ATRNL1: variants seen among roughly 807,000 people sequenced by gnomAD.
The protein encoded by ATRNL1 is attractin-like protein 1.
A neutral mutation model predicts 182.7 loss-of-function variants in ATRNL1; 95 were observed. The observed-to-expected ratio is 0.52, with a 90% CI of 0.44 to 0.62. The LOEUF is 0.62. Among genes scored for constraint, ATRNL1 ranks in the 20% least tolerant of loss-of-function variants. The pLI, the probability that ATRNL1 is intolerant of heterozygous loss-of-function variation, is 0.00. For missense variants in ATRNL1, 1,471 were observed against 1,679.5 expected (o/e 0.88, Z 2.17); for synonymous variants, 576 against 568.3 (o/e 1.01, Z -0.19).
At chr10:115,575,949 TA>T (rs1288687317) in intron 26 of ATRNL1, among the ~76,000 whole-genome samples, 1 of 152,120 alleles carries the variant, frequency 6.6e-6, no homozygotes, top group Non-Finnish European at 1.5e-5. Context: ...TATTTGTATG[TA>T]TTTGAACTTG....
chr10:115,735,140 C>T (rs1555065035), intron 27 of ATRNL1, among the ~76,000 whole-genome samples: 4 of 152,112 alleles, frequency 2.6e-5, no homozygotes, highest in African/African-American at 2.4e-5. Context: ...AGTTGTTCTT[C>T]GCCTTCAGAG....
chr10:115,389,577 T>TATAC lies in ATRNL1; in HGVS notation c.3176-5079_3176-5078insCATA. ...ATATATATATATATATATATATATA[T>TATAC]ATATATATATATATTTCATCCAATG... On this transcript the variant is annotated intron_variant, in intron 19 of 28. Transcript: ENST00000355044. Among the ~76,000 whole-genome samples, 3 of 120,678 alleles carry TATAC rather than the reference T, an allele frequency of 2.5e-5. No individual in the cohort carries two copies. The South Asian group carries it at 8.1e-4, about 33-fold the overall frequency. 79.2% of individuals were successfully genotyped at this position (120,678 alleles called of 152,430 possible). A position where few individuals can be genotyped will look rare whatever the true frequency, so the allele number is the denominator to read the frequency against.
intron 24 of ATRNL1, among the ~76,000 whole-genome samples, chr10:115,496,359 G>T (rs1554978269): frequency 6.6e-6 from 1 of 152,106 alleles, no homozygotes; most frequent in African/African-American, 2.4e-5. Flanking sequence ...CACTCCTTAA[G>T]GATCTTTTAT....
chr10:115,578,905 C>A (rs1218803670), intron 26 of ATRNL1, among the ~76,000 whole-genome samples: 2 of 151,480 alleles, frequency 1.3e-5, no homozygotes, highest in African/African-American at 4.8e-5. Flanking sequence ...TATAAGTTTT[C>A]TTACGTTGTA....
At chr10:115,375,211 C>G (rs1478385232) in intron 19 of ATRNL1, among the ~76,000 whole-genome samples, 1 of 151,446 alleles carries the variant, frequency 6.6e-6, no homozygotes, top group African/African-American at 2.4e-5. Context: ...ATGATTTGAT[C>G]TTGTTTTTAT....
At chr10:115,602,220 G>T (rs924661859) in intron 26 of ATRNL1, among the ~76,000 whole-genome samples, 1 of 152,008 alleles carries the variant, frequency 6.6e-6, no homozygotes, top group Non-Finnish European at 1.5e-5. Flanking sequence ...TGGGCATGGT[G>T]GTGGGCACCT....
intron 28 of ATRNL1, among the ~76,000 whole-genome samples, chr10:115,918,219 G>GC (rs1214211777): frequency 6.7e-6 from 1 of 149,308 alleles, no homozygotes; most frequent in Admixed American, 6.7e-5. Context: ...TCTTGCCTCA[G>GC]CCCCCCGAGT....
At chr10:115,265,439 C>A (rs1409558240) in intron 11 of ATRNL1, among the ~76,000 whole-genome samples, 162 bp downstream of exon 11, 1 of 151,542 alleles carries the variant, frequency 6.6e-6, no homozygotes, top group Non-Finnish European at 1.5e-5. Flanking sequence ...TCAATCATAT[C>A]TTTTTTTCCT....
At chr10:115,642,774 G>A (rs1555030915) in intron 26 of ATRNL1, among the ~76,000 whole-genome samples, 2 of 152,092 alleles carry the variant, frequency 1.3e-5, no homozygotes, top group Non-Finnish European at 2.9e-5. Context: ...GAATTAGTAG[G>A]CTGATAAAAT....
intron 9 of ATRNL1, among the ~76,000 whole-genome samples, chr10:115,216,956 T>C (rs1849257954): frequency 6.6e-6 from 1 of 152,172 alleles, no homozygotes. Context: ...GTATAACTCA[T>C]AAATAGCATC....
At chr10:115,563,618 T>G (rs1343425416) in intron 26 of ATRNL1, among the ~76,000 whole-genome samples, 1 of 152,202 alleles carries the variant, frequency 6.6e-6, no homozygotes, top group Admixed American at 6.5e-5. Context: ...CAAAATAATT[T>G]TATTGTGATT....
chr10:115,594,707 G>C (rs1453608110), intron 26 of ATRNL1, among the ~76,000 whole-genome samples: 1 of 152,120 alleles, frequency 6.6e-6, no homozygotes, highest in Non-Finnish European at 1.5e-5. Flanking sequence ...GTTTCCTCAT[G>C]TTGGCCAGGC....
chr10:115,938,814 T>C (rs1443241409), intron 28 of ATRNL1, among the ~76,000 whole-genome samples: 6 of 151,804 alleles, frequency 4.0e-5, no homozygotes, highest in African/African-American at 1.5e-4. Context: ...ATCTCAGAAA[T>C]TGAGAGTTGA....
intron 27 of ATRNL1, among the ~76,000 whole-genome samples, chr10:115,842,981 A>ATAT (rs1318542757): frequency 7.2e-5 from 11 of 152,048 alleles, no homozygotes; most frequent in Admixed American, 7.2e-4. Context: ...TAAATGTTAC[A>ATAT]TATTATTATT....
At chr10:115,530,798 T>G (rs1352406243) in intron 25 of ATRNL1, among the ~76,000 whole-genome samples, 2,162 of 105,364 alleles carry the variant, frequency 0.021, 61 homozygotes, top group African/African-American at 0.076. Context: ...CCCACAACAG[T>G]CCCCAGAGTG....
intron 5 of ATRNL1, among the ~76,000 whole-genome samples, chr10:115,149,559 C>CTT (rs1428800870): frequency 2.0e-5 from 3 of 152,068 alleles, no homozygotes; most frequent in South Asian, 2.1e-4. Flanking sequence ...GGATGTTGAA[C>CTT]TTTATCAAAT....
intron 13 of ATRNL1, among the ~76,000 whole-genome samples, chr10:115,273,039 T>A (rs148007163): frequency 6.6e-6 from 1 of 152,198 alleles, no homozygotes; most frequent in Non-Finnish European, 1.5e-5. Context: ...CTTTCCCTGA[T>A]TGAAGCTGTA....
chr10:115,420,321 G>A (rs1245954670), intron 20 of ATRNL1, among the ~76,000 whole-genome samples: 1 of 152,098 alleles, frequency 6.6e-6, no homozygotes, highest in Non-Finnish European at 1.5e-5. Context: ...TGGGATTACA[G>A]GCATGAGCCA....
At chr10:115,561,000 A>G (rs559939545) in intron 26 of ATRNL1, among the ~76,000 whole-genome samples, 3 of 151,948 alleles carry the variant, frequency 2.0e-5, no homozygotes, top group East Asian at 1.9e-4. Flanking sequence ...ATACACAAAT[A>G]AAGTCAATAG....
Sources: allele counts gnomAD v4.1 joint callset (sites outside exome capture counted in the v4.1 genomes callset), GRCh38; gene constraint gnomAD v4.1.1; transcripts MANE v1.5; gene names NCBI Gene and HGNC (gene_info 2026-07-23, HGNC 2026-07-21).